Variants in SV2C observed in about 807,000 individuals in gnomAD.
SV2C encodes solute carrier family 22 member B3.
Under a neutral mutation model 79.7 loss-of-function variants are expected in SV2C, and 49 were observed. The observed-to-expected ratio is 0.61, with a 90% confidence interval of 0.49 to 0.78. The LOEUF (loss-of-function observed/expected upper bound fraction) is 0.78. Among genes scored for constraint, SV2C ranks in the 30% least tolerant of loss-of-function variants. The pLI is 0.00. For missense variants in SV2C, 833 were observed against 912.9 expected, an observed-to-expected ratio of 0.91 and a Z score of 1.13; for synonymous variants, 334 against 333.2, an observed-to-expected ratio of 1.00 and a Z score of -0.03.
chr5:76,288,083 CAA>C (rs36124813), intron 6 of SV2C, among the ~76,000 whole-genome samples: 36 of 82,560 alleles, frequency 4.4e-4, no homozygotes, highest in Admixed American at 5.0e-4. Flanking sequence ...GACTCCATCT[CAA>C]AAAAAAAAAA....
chr5:76,228,442 G>A (rs910752641), intron 4 of SV2C, among the ~76,000 whole-genome samples: 6 of 152,296 alleles, frequency 3.9e-5, no homozygotes, highest in Admixed American at 6.5e-5. Flanking sequence ...CACAGGTAGC[G>A]GGGCAAGCTG....
Position 76,186,304 on chromosome 5 carries a change from T to A in SV2C, c.581-8615T>A, listed in dbSNP as rs113439140. 1.1e-3 allele frequency among the ~76,000 whole-genome samples: 171 copies of A among 152,324 alleles called. 1 individual carries two copies. The highest frequency in any genetic ancestry group is 2.0e-3 in the Admixed American group (31 of 15,302). ...AGTCGTTTCCACATTTTCGGGTATC[T>A]TTAGAGCAGTGCTTCACTACCCAGT... On this transcript the variant is annotated intron_variant, in intron 2 of 12. Transcript: ENST00000502798.
chr5:75,851,907 T>A, the SV2C span, among the ~76,000 whole-genome samples: 1 of 152,122 alleles, frequency 6.6e-6, no homozygotes, highest in African/African-American at 2.4e-5. Context: ...TCATGATCCA[T>A]CCTCCTTGGC....
chr5:76,116,737 G>A (rs1748279511), intron 1 of SV2C, among the ~76,000 whole-genome samples: 1 of 152,200 alleles, frequency 6.6e-6, no homozygotes, highest in South Asian at 2.1e-4. Flanking sequence ...TGTTACTTAA[G>A]AGCAGGAATT....
At chr5:76,128,857 T>C (rs775183562) in intron 1 of SV2C, among the ~76,000 whole-genome samples, 14 of 152,236 alleles carry the variant, frequency 9.2e-5, no homozygotes, top group Non-Finnish European at 1.9e-4. Context: ...GACCTTCTTA[T>C]AGGCCACACC....
At chr5:76,136,047 T>C (rs185302301) in intron 2 of SV2C, among the ~76,000 whole-genome samples, 295 of 152,334 alleles carry the variant, frequency 1.9e-3, no homozygotes, top group African/African-American at 6.9e-3. Flanking sequence ...AACTGCTTTA[T>C]TGCTGAGGGT....
At chr5:76,315,942 T>C (rs1359207255) in intron 12 of SV2C, among the ~76,000 whole-genome samples, 1 of 152,158 alleles carries the variant, frequency 6.6e-6, no homozygotes, top group Admixed American at 6.5e-5. Context: ...TATTCCCTAA[T>C]GAACACACAC....
Position 76,325,428 on chromosome 5 carries a change from T to G in SV2C, c.2065T>G (p.Phe689Val). 1.2e-6 allele frequency: 2 copies of G among 1,614,210 alleles called. No individual in the cohort carries two copies. Among genetic ancestry groups the G allele is most frequent in the Non-Finnish European group, 1.7e-6 (2 of 1,180,030 alleles). The change falls in exon 13 of 13, where the codon TTT becomes GTT. Residue 689 changes from phenylalanine (F) to valine (V), a missense_variant. Coordinates refer to ENST00000502798, the MANE Select transcript of SV2C (RefSeq NM_014979.4). ...AGCAGCCGTCCTGGGAAACTTAATATTTGGCTCTCTGGTCAGCATCACCAA... is the reference window on the plus strand; with the variant it reads ...AGCAGCCGTCCTGGGAAACTTAATAGTTGGCTCTCTGGTCAGCATCACCAA... Reference protein sequence around the residue: ...KAAAVLGNLIFGSLVSITKSI... With the variant: ...KAAAVLGNLIVGSLVSITKSI...
chr5:76,041,790 A>G, the SV2C span, among the ~76,000 whole-genome samples: 14 of 152,164 alleles, frequency 9.2e-5, no homozygotes, highest in African/African-American at 3.4e-4. Context: ...ATCAGGGTTG[A>G]TTCAGCCAAT....
the SV2C span, among the ~76,000 whole-genome samples, chr5:75,988,326 T>TA: frequency 6.6e-6 from 1 of 152,020 alleles, no homozygotes; most frequent in Non-Finnish European, 1.5e-5. Flanking sequence ...TGAGGCTTTA[T>TA]AAAGTTTCCC....
chr5:76,157,285 A>G (rs1037175246), intron 2 of SV2C, among the ~76,000 whole-genome samples: 1 of 152,106 alleles, frequency 6.6e-6, no homozygotes, highest in East Asian at 1.9e-4. Context: ...AAAGAAATAA[A>G]TGTTAACTAA....
At chr5:75,999,652 CT>C in the SV2C span, among the ~76,000 whole-genome samples, 70,418 of 148,842 alleles carry the variant, frequency 0.47, 17,242 homozygotes, top group Middle Eastern at 0.63. Context: ...TCTTCTCTGC[CT>C]TTTTTTTTTT....
the SV2C span, among the ~76,000 whole-genome samples, chr5:75,987,904 C>T: frequency 1.3e-5 from 2 of 152,078 alleles, no homozygotes; most frequent in Non-Finnish European, 2.9e-5. Flanking sequence ...ATCTTAACTC[C>T]ATCACTTATT....
chr5:76,333,860 C>T lies in SV2C; in HGVS notation c.*8313C>T, dbSNP rs1345210361. On this transcript the variant is annotated 3_prime_UTR_variant, in exon 13 of 13. Coordinates refer to ENST00000502798, the MANE Select transcript of SV2C (RefSeq NM_014979.4). ...TGGAATTGTGTATACATTTATATGCCAGATAACTAACATTCATGTAACAGC... is the reference window on the plus strand; with the variant it reads ...TGGAATTGTGTATACATTTATATGCTAGATAACTAACATTCATGTAACAGC... 1.3e-5 allele frequency: 2 copies of T among 152,046 alleles called. No individual in the cohort carries two copies. The highest frequency in any genetic ancestry group is 1.3e-4 in the Admixed American group (2 of 15,262). The allele number at this position is 152,046 out of a possible 1,614,324, so 9.4% of individuals were successfully genotyped here.
Position 76,352,212 on chromosome 5 carries a change from T to TAAAAC in SV2C, c.2001-898_2001-894dup, listed in dbSNP as rs558482890. 1.5e-3 allele frequency among the ~76,000 whole-genome samples: 223 copies of TAAAAC among 151,946 alleles called. 3 individuals carry two copies. The highest frequency in any genetic ancestry group is 8.1e-4 in the Non-Finnish European group (55 of 67,948). ...TGGGCGACAGAGTGAGACTCTGTCT[T>TAAAAC]AAAACAAAACAAAACAAAACAAAAA... On this transcript the variant is annotated intron_variant, in intron 12 of 12. Transcript: ENST00000322285.
the SV2C span, among the ~76,000 whole-genome samples, chr5:75,909,803 A>G: frequency 1.8e-4 from 28 of 152,194 alleles, no homozygotes; most frequent in Admixed American, 3.3e-4. Flanking sequence ...AAAATAATAC[A>G]TGGTAAAATT....
At chr5:75,920,705 G>A in the SV2C span, 181 of 751,264 alleles carry the variant, frequency 2.4e-4, 1 homozygote, top group Middle Eastern at 2.2e-3. Context: ...GGGCACTGCC[G>A]GTGTGGAACC....
intron 1 of SV2C, among the ~76,000 whole-genome samples, chr5:76,087,718 A>G (rs1747245661): frequency 6.6e-6 from 1 of 152,220 alleles, no homozygotes; most frequent in Non-Finnish European, 1.5e-5. Context: ...AGTACTAGAT[A>G]GGATAGCAAG....
chr5:75,867,970 G>C, the SV2C span, among the ~76,000 whole-genome samples: 1 of 152,170 alleles, frequency 6.6e-6, no homozygotes, highest in Non-Finnish European at 1.5e-5. Context: ...TAGTCTGTTG[G>C]GAGAGATAAA....
Sources: gnomAD v4.1 joint callset for allele counts (sites outside exome capture counted in the v4.1 genomes callset) on GRCh38, gnomAD v4.1.1 for gene constraint, MANE v1.5 for transcripts, NCBI Gene and HGNC (gene_info 2026-07-23, HGNC 2026-07-21) for gene names.